The following WDR70 variants were observed in gnomAD, a reference collection of about 807,000 sequenced individuals.
The protein encoded by WDR70 is WD repeat domain 70, also known as WD repeat-containing protein 70.
In WDR70, 53 loss-of-function variants were observed where a neutral mutation model predicts 88.6. The ratio of observed to expected loss-of-function variants is 0.60; its 90% CI spans 0.48 to 0.75. WDR70 has a LOEUF of 0.75. Ranked by LOEUF, WDR70 falls within the 30% of genes least tolerant of loss-of-function variation. WDR70 has a pLI of 0.00. For synonymous variants in WDR70, 280 were observed against 270.0 expected, an observed-to-expected ratio of 1.04 and a Z score of -0.36; for missense variants, 610 against 823.2, an observed-to-expected ratio of 0.74 and a Z score of 3.17.
intron 5 of WDR70, among the ~76,000 whole-genome samples, chr5:37,410,738 T>G (rs776704252): frequency 2.6e-5 from 4 of 152,226 alleles, no homozygotes; most frequent in Non-Finnish European, 5.9e-5. Flanking sequence ...ATGAAAAGCT[T>G]GTGACATTCA....
At chr5:37,531,080 T>G (rs1486433779) in intron 9 of WDR70, among the ~76,000 whole-genome samples, 4 of 152,160 alleles carry the variant, frequency 2.6e-5, no homozygotes, top group Non-Finnish European at 4.4e-5. Context: ...AGATTATTAA[T>G]TTTCATGTAT....
chr5:37,479,090 T>C (rs1739574831), intron 7 of WDR70, among the ~76,000 whole-genome samples: 1 of 152,216 alleles, frequency 6.6e-6, no homozygotes, highest in East Asian at 1.9e-4. Context: ...GATATAAGTA[T>C]GATTTTCCAT....
At chr5:37,620,968 G>C (rs1744490675) in intron 10 of WDR70, among the ~76,000 whole-genome samples, 2 of 152,104 alleles carry the variant, frequency 1.3e-5, no homozygotes. Context: ...ACAGGAAGCA[G>C]ATGGATGTAC....
intron 17 of WDR70, among the ~76,000 whole-genome samples, chr5:37,729,640 T>C (rs529693017): frequency 2.0e-5 from 3 of 152,334 alleles, no homozygotes; most frequent in African/African-American, 7.2e-5. Context: ...CAGTTCTTCT[T>C]GTCTTTAGCC....
At chr5:37,646,087 G>C (rs1745229836) in intron 10 of WDR70, among the ~76,000 whole-genome samples, 1 of 151,732 alleles carries the variant, frequency 6.6e-6, no homozygotes. Flanking sequence ...TTTCTCTGGT[G>C]ATATGTTTTA....
intron 8 of WDR70, among the ~76,000 whole-genome samples, chr5:37,481,151 G>A (rs909055410): frequency 2.0e-5 from 3 of 152,234 alleles, no homozygotes; most frequent in African/African-American, 7.2e-5. Flanking sequence ...TGCATTGAGT[G>A]TTGGCAGCTT....
intron 10 of WDR70, among the ~76,000 whole-genome samples, chr5:37,611,551 T>TA (rs200303866): frequency 1.1e-4 from 17 of 151,532 alleles, no homozygotes; most frequent in African/African-American, 1.9e-4. Context: ...GAGATTTTTT[T>TA]AAAAAAATGC....
At chr5:37,384,173 C>CTTTTTTTTTTTTTTTTTTTTT (rs57075180) in intron 3 of WDR70, among the ~76,000 whole-genome samples, 1 of 107,870 alleles carries the variant, frequency 9.3e-6, no homozygotes, top group Non-Finnish European at 1.9e-5. Flanking sequence ...ACTTTCCCCC[C>CTTTTTTTTTTTTTTTTTTTTT]TTTTTTTTTT....
At chr5:37,668,667 T>C (rs567628231) in intron 10 of WDR70, among the ~76,000 whole-genome samples, 1 of 152,350 alleles carries the variant, frequency 6.6e-6, no homozygotes, top group East Asian at 1.9e-4. Flanking sequence ...GGCATCATAT[T>C]CTGCCTGTGA....
intron 5 of WDR70, among the ~76,000 whole-genome samples, chr5:37,406,152 CAG>C (rs1324580620): frequency 3.3e-5 from 5 of 152,280 alleles, no homozygotes; most frequent in African/African-American, 7.2e-5. Context: ...ACATGAGAAA[CAG>C]AGTCTTAAAT....
intron 8 of WDR70, among the ~76,000 whole-genome samples, chr5:37,497,427 C>CTCTCCCCTTCCCTTCCG (rs1740260027): frequency 2.9e-5 from 1 of 34,838 alleles, no homozygotes; most frequent in African/African-American, 6.2e-5. Context: ...CTTCCCTTCC[C>CTCTCCCCTTCCCTTCCG]TCTTCCCTTC....
In WDR70 at chr5:37,479,848, C is replaced by A; in HGVS notation, c.701C>A (p.Ser234Ter). 6.2e-7 allele frequency: 1 copy of A among 1,613,342 alleles called. No individual in the cohort carries two copies. Among genetic ancestry groups the A allele is most frequent in the South Asian group, 1.1e-5 (1 of 90,930 alleles). The change falls in exon 8 of 18, where the codon TCA becomes TAA. Residue 234 changes from serine to a stop codon, truncating the protein, a stop_gained. Transcript: ENST00000265107. LOFTEE classifies it high-confidence loss of function. The stretch of plus-strand genomic sequence containing the variant: ...TTTTCGTACAGCCATCAGATCAAGT[C>A]ATTACAGTATAGTAACACAGGAGAC... ...LQPCECHQIK[S>*]LQYSNTGDMI...
At chr5:37,539,929 A>AT (rs1741766536) in intron 9 of WDR70, among the ~76,000 whole-genome samples, 2 of 152,242 alleles carry the variant, frequency 1.3e-5, no homozygotes, top group African/African-American at 4.8e-5. Flanking sequence ...TGGAAGGCAG[A>AT]TTCACCTACA....
At chr5:37,502,335 T>A (rs1381380733) in intron 8 of WDR70, among the ~76,000 whole-genome samples, 1 of 152,158 alleles carries the variant, frequency 6.6e-6, no homozygotes, top group African/African-American at 2.4e-5. Context: ...GTGGTAAAAG[T>A]GGGCAACTTG....
chr5:37,721,520 A>C (rs1747816842), intron 14 of WDR70: 1 of 317,960 alleles, frequency 3.1e-6, no homozygotes, highest in South Asian at 6.2e-5. Context: ...GGACAGAGGC[A>C]TTAGCAGTGA....
intron 10 of WDR70, among the ~76,000 whole-genome samples, chr5:37,617,612 A>G (rs1744381346): frequency 6.6e-6 from 1 of 152,184 alleles, no homozygotes; most frequent in South Asian, 2.1e-4. Flanking sequence ...TTTATATGTC[A>G]CTGTTACGAG....
At chr5:37,563,494 T>A (rs1388568885) in intron 9 of WDR70, among the ~76,000 whole-genome samples, 2 of 49,754 alleles carry the variant, frequency 4.0e-5, no homozygotes, top group African/African-American at 6.0e-5. Flanking sequence ...CACTTCCCAG[T>A]AGGGGCGGCC....
chr5:37,714,399 C>T (rs1747598409), intron 13 of WDR70, among the ~76,000 whole-genome samples: 1 of 152,198 alleles, frequency 6.6e-6, no homozygotes, highest in South Asian at 2.1e-4. Flanking sequence ...GTTGGGTTTA[C>T]ACTGTGGGTC....
At chr5:37,580,410 T>A (rs1269254142) in intron 9 of WDR70, among the ~76,000 whole-genome samples, 2 of 152,228 alleles carry the variant, frequency 1.3e-5, no homozygotes, top group Admixed American at 6.5e-5. Flanking sequence ...GGATATTACC[T>A]ACCATTGCTC....
Sources: gnomAD v4.1 joint callset for allele counts (sites outside exome capture counted in the v4.1 genomes callset) on GRCh38, gnomAD v4.1.1 for gene constraint, MANE v1.5 for transcripts, NCBI Gene and HGNC (gene_info 2026-07-23, HGNC 2026-07-21) for gene names.